Variants in RNF215 observed in about 807,000 individuals in gnomAD.
The protein encoded by RNF215 is ring finger protein 215.
RNF215 carries 41 observed loss-of-function variants against 44.8 expected under a neutral mutation model. The ratio of observed to expected loss-of-function variants is 0.92; its 90% CI spans 0.71 to 1.19. The LOEUF (loss-of-function observed/expected upper bound fraction) is 1.19, where lower values mean the gene tolerates loss of function less well. Ranked by LOEUF, RNF215 falls within the 50% of genes most tolerant of loss-of-function variation. The pLI, the probability that RNF215 is intolerant of heterozygous loss-of-function variation, is 0.00. For synonymous variants in RNF215, 218 were observed against 230.1 expected (o/e 0.95, Z 0.48); for missense variants, 452 against 496.2 (o/e 0.91, Z 0.85).
chr22:30,384,450 A>G lies in RNF215; in HGVS notation c.633T>C (p.Ser211=), dbSNP rs888708120. The G allele has an allele frequency of 1.9e-6, 3 of 1,613,968 alleles. No individual in the cohort carries two copies. The highest frequency in any genetic ancestry group is 2.5e-6 in the Non-Finnish European group (3 of 1,180,016). The part of the protein sequence containing the change: ...TAEITSGESL[S]ANIEWKLTLW... ...AGGTCAACTTCCACTCGATATTGGC[A>G]GACAGGGACTCTCCGCTGGTGATCT... The change falls in exon 5 of 9, where the codon TCT becomes TCC. Residue 211 remains serine (S), a synonymous_variant. Coordinates refer to ENST00000382363, the MANE Select transcript of RNF215 (RefSeq NM_001017981.2).
rs1424331083 is a variant in RNF215 at position 30,387,082 on chromosome 22, T to C, written c.232A>G (p.Arg78Gly). The C allele has an allele frequency of 1.3e-6, 2 of 1,539,980 alleles. No homozygotes were observed. Among genetic ancestry groups the C allele is most frequent in the South Asian group, 2.4e-5 (2 of 84,268 alleles). The part of the protein sequence containing the change: ...RQDALVLEGV[R>G]IGSEADPAPL... ...GCCGGGTCGGCTTCGGAGCCGATCCTGACGCCCTCCAGGACCAGAGCGTCC... is the reference window on the plus strand; with the variant it reads ...GCCGGGTCGGCTTCGGAGCCGATCCCGACGCCCTCCAGGACCAGAGCGTCC... Residue 78 changes from arginine (R) to glycine (G), a missense_variant, in exon 1 of 9, where the codon AGG becomes GGG. Coordinates refer to ENST00000382363, the MANE Select transcript of RNF215 (RefSeq NM_001017981.2).
Position 30,384,336 on chromosome 22 carries a change from C to T in RNF215, c.744+3G>A. The T allele has an allele frequency of 5.6e-6, 9 of 1,612,722 alleles. No homozygotes were observed. The highest frequency in any genetic ancestry group is 7.6e-6 in the Non-Finnish European group (9 of 1,178,986). ...AGGCCCCATGTAATCTGCTAGCACC[C>T]ACCTGCTCCTGGGCACGACTGCCTC... On this transcript the variant is annotated splice_donor_region_variant and intron_variant, in intron 5 of 8. Transcript: ENST00000382363.
chr22:30,384,059 C>A (rs931703391), intron 5 of RNF215, among the ~76,000 whole-genome samples: 4 of 152,196 alleles, frequency 2.6e-5, no homozygotes, highest in African/African-American at 9.7e-5. Context: ...GAAAGCCACG[C>A]AGAGGGGTCT....
intron 2 of RNF215, 55 bp downstream of exon 2, chr22:30,386,561 C>T: frequency 6.4e-7 from 1 of 1,571,506 alleles, no homozygotes; most frequent in Non-Finnish European, 8.6e-7. Flanking sequence ...CTGGCTCTAG[C>T]AGATGCCTTG....
intron 7 of RNF215, 105 bp from the exon 8 acceptor site, chr22:30,379,918 G>A: frequency 6.6e-7 from 1 of 1,514,556 alleles, no homozygotes; most frequent in Non-Finnish European, 9.1e-7. Context: ...AAACCTCACG[G>A]CTTCCCCCAC....
rs1474334499 is a variant in RNF215 at position 30,379,757 on chromosome 22, C to T, written c.1065G>A (p.Trp355Ter). 1 of 1,568,904 alleles carries T rather than the reference C, an allele frequency of 6.4e-7. No individual in the cohort carries two copies. Among genetic ancestry groups the T allele is most frequent in the Non-Finnish European group, 8.6e-7 (1 of 1,157,718 alleles). ...GTGGGCAGGTCTGCTGGAGCATCAG[C>T]CAGGGGTCCACACAGTCTCGGTGAA... ...HEFHRDCVDP[W>*]LMLQQTCPLC... The change falls in exon 8 of 9, where the codon TGG (tryptophan) becomes TGA (stop). Residue 355 changes from tryptophan to a stop codon, truncating the protein, a stop_gained. Coordinates refer to ENST00000382363, the MANE Select transcript of RNF215 (RefSeq NM_001017981.2). LOFTEE classifies it high-confidence loss of function.
At chr22:30,385,849 A>G (rs1933590359) in intron 4 of RNF215, 55 bp downstream of exon 4, 1 of 1,533,080 alleles carries the variant, frequency 6.5e-7, no homozygotes. Context: ...CCATGGGAGA[A>G]CCAGGGGCTC....
chr22:30,385,815 G>T, intron 4 of RNF215, 89 bp downstream of exon 4: 4 of 1,162,894 alleles, frequency 3.4e-6, no homozygotes, highest in Non-Finnish European at 5.1e-6. Context: ...AACAGGTAAG[G>T]CCCTGGTCCC....
In RNF215 at chr22:30,385,966, G is replaced by A. The variant is rs990127751; in HGVS notation, c.525C>T (p.Leu175=). 9 of 1,614,134 alleles carry A rather than the reference G, an allele frequency of 5.6e-6. No homozygotes were observed. The highest frequency in any genetic ancestry group is 1.7e-5 in the Admixed American group (1 of 60,014). Residue 175 remains leucine, a synonymous_variant, in exon 4 of 9, where the codon CTC becomes CTT. Transcript: ENST00000382363. ...AATAATGGAGGACGATCACTGGCCT[G>A]AGCAGAAGCTGGGATATGTCCAGCT... ...VRELDISQLL[L]RPVIVLHYSS...
rs1393076752 is a variant in RNF215, at chr22:30,379,423, TGTGGGGCCCTCCTTCCCAGTGTGGACATG to T, written c.*148_*176del. ...CAGCCCTAGATCCTCAGTCTGAAGC[TGTGGGGCCCTCCTTCCCAGTGTGGACATG>T]GTGGGGCCCTCATCCTTCCTCCCAC... On this transcript the variant is annotated 3_prime_UTR_variant, in exon 9 of 9. Transcript: ENST00000382363. 9 of 717,660 alleles carry T rather than the reference TGTGGGGCCCTCCTTCCCAGTGTGGACATG, an allele frequency of 1.3e-5. No individual in the cohort carries two copies. Among genetic ancestry groups the T allele is most frequent in the Non-Finnish European group, 2.1e-5 (9 of 438,516 alleles). 44.5% of individuals were successfully genotyped at this position (717,660 alleles called of 1,614,324 possible).
chr22:30,383,031 G>A (rs1933549412), intron 5 of RNF215, among the ~76,000 whole-genome samples: 1 of 152,160 alleles, frequency 6.6e-6, no homozygotes, highest in Non-Finnish European at 1.5e-5. Context: ...GAGCCCAGGA[G>A]GTCGAGGCTG....
At position 30,386,053 on chromosome 22, in the gene RNF215, G is replaced by A. The variant is rs1401868749; in HGVS notation, c.501+17C>T. ...CTTTCCCCAGCTTGCTTACCCTCAC[G>A]GCCTGGTCCGATTTACCTCTCGGAC... On this transcript the variant is annotated intron_variant, in intron 3 of 8. Transcript: ENST00000382363. 1.1e-5 allele frequency: 18 copies of A among 1,613,770 alleles called. No individual in the cohort carries two copies. The highest frequency in any genetic ancestry group is 1.7e-5 in the Admixed American group (1 of 60,004).
rs1179368038 is a variant in RNF215, at chr22:30,387,159, G to A, written c.155C>T (p.Ala52Val). 38 of 1,205,232 alleles carry A rather than the reference G, an allele frequency of 3.2e-5. No individual in the cohort carries two copies. Among genetic ancestry groups the A allele is most frequent in the East Asian group, 1.4e-4 (4 of 27,764 alleles). 74.7% of individuals were successfully genotyped at this position (1,205,232 alleles called of 1,614,324 possible). Residue 52 changes from alanine (A) to valine (V), a missense_variant, in exon 1 of 9, where the codon GCG (alanine) becomes GTG (valine). Physicochemically the swap from Ala to Val is moderately conservative, Grantham distance 64. Coordinates refer to ENST00000382363, the MANE Select transcript of RNF215 (RefSeq NM_001017981.2). ...AADGSEPAAG[A>V]GRGGARAVRV... ...CACGGCGCGGGCTCCGCCCCGCCCC[G>A]CCCCGGCCGCCGGCTCGCTGCCGTC...
chr22:30,383,654 C>T (rs748876668), intron 5 of RNF215, among the ~76,000 whole-genome samples: 1 of 152,160 alleles, frequency 6.6e-6, no homozygotes, highest in Non-Finnish European at 1.5e-5. Flanking sequence ...CCTTGAATGC[C>T]CTGATGCCAA....
intron 5 of RNF215, among the ~76,000 whole-genome samples, chr22:30,381,296 A>G (rs574659312): frequency 2.6e-5 from 4 of 151,968 alleles, no homozygotes; most frequent in Non-Finnish European, 5.9e-5. Context: ...CACCACTCTA[A>G]CCCAGTACCT....
At chr22:30,385,829 C>T in intron 4 of RNF215, 75 bp downstream of exon 4, 1 of 1,351,020 alleles carries the variant, frequency 7.4e-7, no homozygotes, top group South Asian at 1.2e-5. Context: ...TGGTCCCAAG[C>T]CCCCTCAGTC....
Position 30,379,763 on chromosome 22 carries a change from G to A in RNF215, c.1059C>T (p.Asp353=), listed in dbSNP as rs1386078597. 4.5e-6 allele frequency: 7 copies of A among 1,569,732 alleles called. No homozygotes were observed. The highest frequency in any genetic ancestry group is 6.0e-6 in the Non-Finnish European group (7 of 1,158,200). The part of the protein sequence containing the change: ...CKHEFHRDCV[D]PWLMLQQTCP... ...AGGTCTGCTGGAGCATCAGCCAGGG[G>A]TCCACACAGTCTCGGTGAAACTCGT... The change falls in exon 8 of 9, where the codon GAC becomes GAT. Residue 353 remains aspartate, a synonymous_variant. Coordinates refer to ENST00000382363, the MANE Select transcript of RNF215 (RefSeq NM_001017981.2).
intron 4 of RNF215, among the ~76,000 whole-genome samples, chr22:30,385,567 T>C (rs1933586251): frequency 6.6e-6 from 1 of 151,904 alleles, no homozygotes; most frequent in South Asian, 2.1e-4. Flanking sequence ...CAGGTGGAAC[T>C]GAGGTCAGGT....
intron 1 of RNF215, 55 bp downstream of exon 1, chr22:30,386,974 G>A: frequency 1.3e-6 from 2 of 1,527,674 alleles, no homozygotes; most frequent in Middle Eastern, 2.3e-4. Flanking sequence ...GGGGTCTCTA[G>A]GGAGGGTTGA....
Sources: allele counts gnomAD v4.1 joint callset (sites outside exome capture counted in the v4.1 genomes callset), GRCh38; gene constraint gnomAD v4.1.1; transcripts MANE v1.5; gene names NCBI Gene and HGNC (gene_info 2026-07-23, HGNC 2026-07-21).